SFXN1: variants seen among roughly 807,000 people sequenced by gnomAD.
SFXN1 encodes sideroflexin-1.
In SFXN1, 32 loss-of-function variants were observed where a neutral mutation model predicts 39.5. That is an observed-to-expected ratio of 0.81 (90% CI 0.61 to 1.09). The LOEUF (loss-of-function observed/expected upper bound fraction) is 1.09. Ranked by LOEUF, SFXN1 falls within the 50% of genes least tolerant of loss-of-function variation. SFXN1 has a pLI of 0.00. For synonymous variants in SFXN1, 136 were observed against 146.5 expected (o/e 0.93, Z 0.52); for missense variants, 402 against 407.1 (o/e 0.99, Z 0.11).
chr5:175,513,296 TAAAAAAA>T (rs55761424), intron 6 of SFXN1, among the ~76,000 whole-genome samples, 160 bp from the exon 7 acceptor site: 2 of 65,282 alleles, frequency 3.1e-5, no homozygotes, highest in Non-Finnish European at 5.7e-5. Flanking sequence ...AGTGAGACTG[TAAAAAAA>T]AAAAAAAAAA....
At chr5:175,522,572 C>CA (rs763420522) in intron 10 of SFXN1, 150 bp downstream of exon 10, 6 of 646,958 alleles carry the variant, frequency 9.3e-6, no homozygotes, top group African/African-American at 1.8e-5. Flanking sequence ...GGGATGGAGG[C>CA]AGAAATCAAA....
At chr5:175,507,652 A>G (rs79816941) in intron 2 of SFXN1, among the ~76,000 whole-genome samples, 14,020 of 152,282 alleles carry the variant, frequency 0.092, 834 homozygotes, top group East Asian at 0.15. Flanking sequence ...GAAGTAAAGA[A>G]TGAGGCACCT....
chr5:175,513,446 T>C lies in SFXN1; in HGVS notation c.597-17T>C. ...GAAGGCATTGGTGGAGCTCTCTGTA[T>C]GTGTTTTGCTCTGCAGGGAACTCAA... On this transcript the variant is annotated splice_polypyrimidine_tract_variant and intron_variant, in intron 6 of 10. Transcript: ENST00000321442. 6.2e-7 allele frequency: 1 copy of C among 1,612,996 alleles called. No individual in the cohort carries two copies. The highest frequency in any genetic ancestry group is 1.7e-4 in the Middle Eastern group (1 of 6,052).
At chr5:175,489,551 A>G (rs749891243) in intron 1 of SFXN1, among the ~76,000 whole-genome samples, 10 of 152,218 alleles carry the variant, frequency 6.6e-5, no homozygotes, top group East Asian at 1.9e-4. Context: ...ATGTCTGCAT[A>G]CAATGACATA....
At chr5:175,501,063 ATTTTTT>A (rs531862744) in intron 2 of SFXN1, among the ~76,000 whole-genome samples, 1 of 116,080 alleles carries the variant, frequency 8.6e-6, no homozygotes. Context: ...ATGGGCAAAG[ATTTTTT>A]TTTTTTTTTT....
chr5:175,479,927 T>C (rs1759168877), intron 1 of SFXN1, among the ~76,000 whole-genome samples: 1 of 152,168 alleles, frequency 6.6e-6, no homozygotes, highest in Non-Finnish European at 1.5e-5. Flanking sequence ...GGCATTGTTA[T>C]AGGTGCCCAG....
At chr5:175,500,634 G>T (rs1441149928) in intron 2 of SFXN1, among the ~76,000 whole-genome samples, 1 of 151,970 alleles carries the variant, frequency 6.6e-6, no homozygotes, top group South Asian at 2.1e-4. Flanking sequence ...TACTTCTAAC[G>T]TTTATGTGGA....
chr5:175,486,708 G>C (rs142203932), intron 1 of SFXN1, among the ~76,000 whole-genome samples: 64 of 152,256 alleles, frequency 4.2e-4, no homozygotes, highest in African/African-American at 1.4e-3. Context: ...AGCCCAGGAC[G>C]TCAAGGCTGC....
intron 2 of SFXN1, chr5:175,492,488 G>C (rs553009214): frequency 3.4e-4 from 139 of 404,572 alleles, no homozygotes; most frequent in Non-Finnish European, 4.8e-4. Flanking sequence ...CTGACAATGG[G>C]AGTCATCCCT....
intron 1 of SFXN1, among the ~76,000 whole-genome samples, chr5:175,489,652 T>G (rs267376): frequency 1.3e-5 from 2 of 152,116 alleles, no homozygotes; most frequent in Admixed American, 1.3e-4. Context: ...TTTATTCCTG[T>G]GAAGCTGCTA....
chr5:175,512,296 G>A, intron 6 of SFXN1, 100 bp downstream of exon 6: 1 of 1,016,026 alleles, frequency 9.8e-7, no homozygotes, highest in Non-Finnish European at 1.5e-6. Flanking sequence ...GTTTTAATAT[G>A]TATAGGTGAA....
chr5:175,487,365 C>T (rs956637298), intron 1 of SFXN1, among the ~76,000 whole-genome samples: 11 of 152,202 alleles, frequency 7.2e-5, no homozygotes, highest in Non-Finnish European at 4.4e-5. Flanking sequence ...GGAGGTTTAA[C>T]GTGTTGTTCC....
chr5:175,526,409 T>C (rs1350923286), intron 10 of SFXN1, among the ~76,000 whole-genome samples: 1 of 152,204 alleles, frequency 6.6e-6, no homozygotes, highest in Non-Finnish European at 1.5e-5. Context: ...TTTAATGATA[T>C]GAGAGGGAAA....
chr5:175,491,256 T>G (rs267380), intron 1 of SFXN1, among the ~76,000 whole-genome samples: 2 of 151,930 alleles, frequency 1.3e-5, no homozygotes, highest in South Asian at 4.1e-4. Flanking sequence ...CTGGAAGAAC[T>G]TAATTTTTAA....
At chr5:175,513,414 G>C in intron 6 of SFXN1, 49 bp from the exon 7 acceptor site, 2 of 1,574,228 alleles carry the variant, frequency 1.3e-6, no homozygotes, top group Non-Finnish European at 1.7e-6. Context: ...ATTTCAGGAC[G>C]TTTATTGAAG....
intron 2 of SFXN1, among the ~76,000 whole-genome samples, chr5:175,502,563 G>A (rs1760123671): frequency 6.6e-6 from 1 of 152,234 alleles, no homozygotes; most frequent in Non-Finnish European, 1.5e-5. Context: ...GTACTGGCCG[G>A]GCACAGTGGC....
chr5:175,528,303 G>A lies in SFXN1; in HGVS notation c.*1569G>A, dbSNP rs1449809448. ...ACAGTATAACAACTATTTACATAGT[G>A]CTTACATTGTATTAGGTGTTATAAG... On this transcript the variant is annotated 3_prime_UTR_variant, in exon 11 of 11. Coordinates refer to ENST00000321442, the MANE Select transcript of SFXN1 (RefSeq NM_022754.7). The A allele has an allele frequency of 1.3e-5, 2 of 152,106 alleles. No individual in the cohort carries two copies. Among genetic ancestry groups the A allele is most frequent in the Non-Finnish European group, 2.9e-5 (2 of 68,016 alleles). The allele number at this position is 152,106 out of a possible 1,614,324, so 9.4% of individuals were successfully genotyped here. A position where few individuals can be genotyped will look rare whatever the true frequency, so the allele number is the denominator to read the frequency against.
chr5:175,479,008 C>G (rs1006317562), intron 1 of SFXN1, among the ~76,000 whole-genome samples: 1 of 152,226 alleles, frequency 6.6e-6, no homozygotes. Flanking sequence ...ATGGCTGCCT[C>G]GGGGGCAGCG....
At chr5:175,480,889 T>C (rs1759223519) in intron 1 of SFXN1, among the ~76,000 whole-genome samples, 1 of 152,162 alleles carries the variant, frequency 6.6e-6, no homozygotes. Flanking sequence ...AGGTAAGAAA[T>C]CAAAAGTAGT....
Sources: allele counts gnomAD v4.1 joint callset (sites outside exome capture counted in the v4.1 genomes callset), GRCh38; gene constraint gnomAD v4.1.1; transcripts MANE v1.5; gene names NCBI Gene and HGNC (gene_info 2026-07-23, HGNC 2026-07-21).